The following BST1 variants were observed in gnomAD, a reference collection of about 807,000 sequenced individuals.
BST1 encodes the protein bone marrow stromal cell antigen 1, also known as ADP-ribosyl cyclase/cyclic ADP-ribose hydrolase 2.
A neutral mutation model predicts 40.6 loss-of-function variants in BST1; 49 were observed. The observed-to-expected ratio is 1.21, with a 90% CI of 0.96 to 1.53. BST1 has a LOEUF of 1.53. Among genes scored for constraint, BST1 ranks in the 40% most tolerant of loss-of-function variants. The pLI, the probability that BST1 is intolerant of heterozygous loss-of-function variation, is 0.00. For missense variants in BST1, 423 were observed against 395.9 expected (o/e 1.07, Z -0.58); for synonymous variants, 157 against 159.3 (o/e 0.99, Z 0.11).
chr4:15,712,673 G>A (rs1174182100), intron 4 of BST1, among the ~76,000 whole-genome samples: 3 of 152,128 alleles, frequency 2.0e-5, no homozygotes, highest in Admixed American at 1.3e-4. Flanking sequence ...GTTAGTCAGG[G>A]TGAGAAGGAC....
the BST1 span, among the ~76,000 whole-genome samples, chr4:15,751,802 T>A: frequency 6.6e-6 from 1 of 152,096 alleles, no homozygotes; most frequent in South Asian, 2.1e-4. Flanking sequence ...TATATAAATA[T>A]ACACTGTAGT....
chr4:15,768,581 C>A, the BST1 span, among the ~76,000 whole-genome samples: 2 of 150,132 alleles, frequency 1.3e-5, no homozygotes, highest in Non-Finnish European at 2.9e-5. Context: ...GCAAGCTCCG[C>A]TTCCCGGGTT....
At chr4:15,767,014 A>G in the BST1 span, among the ~76,000 whole-genome samples, 1 of 151,928 alleles carries the variant, frequency 6.6e-6, no homozygotes, top group Non-Finnish European at 1.5e-5. Flanking sequence ...GCTATAGTAG[A>G]TAAGGCCAAG....
At chr4:15,766,408 G>C in the BST1 span, among the ~76,000 whole-genome samples, 1 of 151,900 alleles carries the variant, frequency 6.6e-6, no homozygotes, top group Admixed American at 6.6e-5. Context: ...TGGCTGAGAA[G>C]CTGACTTTTG....
At chr4:15,735,177 T>C (rs1214264684), downstream of BST1, among the ~76,000 whole-genome samples, 1 of 152,132 alleles carries the variant, frequency 6.6e-6, no homozygotes, top group Non-Finnish European at 1.5e-5. Context: ...CTCTAAGACA[T>C]ACCTTAAGCA....
At chr4:15,703,379 T>TG (rs1398487156) in intron 1 of BST1, 47 bp downstream of exon 1, 2 of 1,323,696 alleles carry the variant, frequency 1.5e-6, no homozygotes, top group Non-Finnish European at 1.9e-6. Context: ...GAGGCAACGG[T>TG]GGGGAGGGCC....
At position 15,722,947 on chromosome 4, in the gene BST1, C is replaced by T. The variant is rs1324274897; in HGVS notation, c.851+13C>T. On this transcript the variant is annotated intron_variant, in intron 8 of 8. Coordinates refer to ENST00000265016, the MANE Select transcript of BST1 (RefSeq NM_004334.3). ...GTGCCTTAAAGTCGTAAGTAAATGT[C>T]TTAACCCAAATCGTTCTTTCCAAAG... 3 of 1,611,830 alleles carry T rather than the reference C, an allele frequency of 1.9e-6. No individual in the cohort carries two copies. Among genetic ancestry groups the T allele is most frequent in the African/African-American group, 1.3e-5 (1 of 74,908 alleles).
chr4:15,740,136 G>A (rs575393784), downstream of BST1, among the ~76,000 whole-genome samples: 28 of 152,222 alleles, frequency 1.8e-4, no homozygotes, highest in South Asian at 5.2e-3. Flanking sequence ...TCACTGCAAC[G>A]TCTGCCTCCC....
intron 8 of BST1, among the ~76,000 whole-genome samples, chr4:15,728,939 C>G (rs1721252559): frequency 1.3e-5 from 2 of 152,080 alleles, no homozygotes; most frequent in African/African-American, 4.8e-5. Context: ...AACCACCATG[C>G]TCAGCCAAGT....
At position 15,703,275 on chromosome 4, in the gene BST1, G is replaced by T; in HGVS notation, c.131G>T (p.Arg44Leu). The change falls in exon 1 of 9, where the codon CGG becomes CTG. Residue 44 changes from arginine to leucine, a missense_variant. Physicochemically the swap from Arg to Leu is moderately radical, Grantham distance 102 (BLOSUM62 -2). Coordinates refer to ENST00000265016, the MANE Select transcript of BST1 (RefSeq NM_004334.3). ...WRGEGTSAHL[R>L]DIFLGRCAEY... ...GGGGAGGGCACCAGCGCACACTTGC[G>T]GGACATCTTCCTGGGCCGCTGCGCC... 1 of 1,537,766 alleles carries T rather than the reference G, an allele frequency of 6.5e-7. No homozygotes were observed. The highest frequency in any genetic ancestry group is 8.7e-7 in the Non-Finnish European group (1 of 1,146,766).
chr4:15,744,335 A>G, the BST1 span, among the ~76,000 whole-genome samples: 3 of 152,070 alleles, frequency 2.0e-5, no homozygotes, highest in African/African-American at 7.2e-5. Context: ...GGAAACTTAC[A>G]AATCACGGTG....
chr4:15,769,176 A>G, the BST1 span, among the ~76,000 whole-genome samples: 1 of 152,132 alleles, frequency 6.6e-6, no homozygotes, highest in African/African-American at 2.4e-5. Context: ...ATGCTTGTTG[A>G]TAGATGGTTT....
chr4:15,723,273 G>T (rs1296784856), intron 8 of BST1, among the ~76,000 whole-genome samples: 2 of 152,112 alleles, frequency 1.3e-5, no homozygotes. Flanking sequence ...GGGGGGCAGA[G>T]TCTCGCTCTA....
At chr4:15,769,670 A>C in the BST1 span, among the ~76,000 whole-genome samples, 61,196 of 151,552 alleles carry the variant, frequency 0.4, 12,546 homozygotes, top group Non-Finnish European at 0.45. Flanking sequence ...CTCTCTCTCT[A>C]TATATATATG....
chr4:15,742,223 G>A (rs1029448561), downstream of BST1, among the ~76,000 whole-genome samples: 1 of 152,226 alleles, frequency 6.6e-6, no homozygotes, highest in African/African-American at 2.4e-5. Flanking sequence ...GCAATGTTCA[G>A]AGGTGGGGTC....
At chr4:15,770,149 T>C in the BST1 span, among the ~76,000 whole-genome samples, 1 of 29,796 alleles carries the variant, frequency 3.4e-5, no homozygotes, top group Non-Finnish European at 6.3e-5. Flanking sequence ...TAAAATGTGA[T>C]TTTTTTTTTT....
At chr4:15,746,901 C>G in the BST1 span, among the ~76,000 whole-genome samples, 1 of 152,134 alleles carries the variant, frequency 6.6e-6, no homozygotes, top group Non-Finnish European at 1.5e-5. Context: ...ACTGAGGGGG[C>G]CCATGATTGT....
chr4:15,722,639 C>A (rs1657127462), intron 7 of BST1, among the ~76,000 whole-genome samples: 1 of 142,984 alleles, frequency 7.0e-6, no homozygotes, highest in African/African-American at 2.7e-5. Context: ...CGCTATGTTG[C>A]CCAGGCTGGT....
At chr4:15,767,396 C>T in the BST1 span, among the ~76,000 whole-genome samples, 2 of 151,808 alleles carry the variant, frequency 1.3e-5, no homozygotes, top group African/African-American at 4.8e-5. Context: ...CTCCACCTCT[C>T]GGGTTCAAGA....
Sources: allele counts gnomAD v4.1 joint callset (sites outside exome capture counted in the v4.1 genomes callset), GRCh38; gene constraint gnomAD v4.1.1; transcripts MANE v1.5; gene names NCBI Gene and HGNC (gene_info 2026-07-23, HGNC 2026-07-21).